Variants in FAM107B observed in about 807,000 individuals in gnomAD.
The protein encoded by FAM107B is family with sequence similarity 107 member B, also known as protein FAM107B.
FAM107B carries 21 observed loss-of-function variants against 31.5 expected under a neutral mutation model. The observed-to-expected ratio is 0.67, with a 90% CI of 0.47 to 0.96. FAM107B has a LOEUF of 0.96. Among genes scored for constraint, FAM107B ranks in the 40% least tolerant of loss-of-function variants. FAM107B has a pLI of 0.00. For missense variants in FAM107B, 452 were observed against 377.1 expected (o/e 1.20, Z -1.64); for synonymous variants, 157 against 141.5 (o/e 1.11, Z -0.78).
At chr10:14,595,120 C>T (rs1852144007) in intron 2 of FAM107B, among the ~76,000 whole-genome samples, 1 of 151,740 alleles carries the variant, frequency 6.6e-6, no homozygotes, top group African/African-American at 2.4e-5. Context: ...GGGGAACTGA[C>T]TGCAAAGTCT....
intron 2 of FAM107B, among the ~76,000 whole-genome samples, chr10:14,661,298 C>T (rs1462900833): frequency 1.3e-5 from 2 of 152,132 alleles, no homozygotes. Flanking sequence ...CTAAGGGGTG[C>T]CCAGATTAAA....
intron 2 of FAM107B, among the ~76,000 whole-genome samples, chr10:14,546,645 C>G (rs1848722932): frequency 6.6e-6 from 1 of 152,196 alleles, no homozygotes; most frequent in South Asian, 2.1e-4. Flanking sequence ...CCAGTGACTG[C>G]TCAGACACGG....
At chr10:14,651,481 T>C (rs1227321141) in intron 2 of FAM107B, among the ~76,000 whole-genome samples, 1 of 152,132 alleles carries the variant, frequency 6.6e-6, no homozygotes, top group African/African-American at 2.4e-5. Context: ...GGTGCATGCC[T>C]GTAATCCCAG....
chr10:14,763,984 G>A (rs1478804238), intron 1 of FAM107B, among the ~76,000 whole-genome samples: 1 of 152,202 alleles, frequency 6.6e-6, no homozygotes, highest in Admixed American at 6.5e-5. Context: ...TCACAGTCAG[G>A]AGCGTGGTCA....
chr10:14,698,449 T>G (rs926261208), intron 1 of FAM107B, among the ~76,000 whole-genome samples: 15 of 152,256 alleles, frequency 9.9e-5, no homozygotes, highest in African/African-American at 3.4e-4. Flanking sequence ...ATTTGCAAAC[T>G]TTTAAACTTA....
intron 1 of FAM107B, among the ~76,000 whole-genome samples, chr10:14,669,374 A>AAAG (rs1478564698): frequency 3.3e-5 from 5 of 151,592 alleles, no homozygotes; most frequent in African/African-American, 9.7e-5. Context: ...TGTCAAAAAA[A>AAAG]AAAAAAAAAA....
intron 2 of FAM107B, among the ~76,000 whole-genome samples, chr10:14,645,567 G>A (rs1464653146): frequency 6.6e-6 from 1 of 152,182 alleles, no homozygotes; most frequent in Non-Finnish European, 1.5e-5. Context: ...GGACCCTGGA[G>A]AGACTCCTCA....
At chr10:14,524,730 G>C (rs1846045426) in intron 3 of FAM107B, among the ~76,000 whole-genome samples, 2 of 151,794 alleles carry the variant, frequency 1.3e-5, no homozygotes, top group South Asian at 4.2e-4. Context: ...TTAAATTTTA[G>C]GATTAAGAAT....
At chr10:14,570,785 G>C (rs978964383) in intron 2 of FAM107B, among the ~76,000 whole-genome samples, 1 of 140,498 alleles carries the variant, frequency 7.1e-6, no homozygotes, top group African/African-American at 2.6e-5. Context: ...CTGGATGACA[G>C]AGTGAGACTC....
intron 2 of FAM107B, among the ~76,000 whole-genome samples, chr10:14,559,099 CAAAAA>C (rs745765049): frequency 6.8e-5 from 6 of 88,200 alleles, no homozygotes; most frequent in African/African-American, 1.4e-4. Flanking sequence ...TGTGGAACTT[CAAAAA>C]AAAAAAAAAA....
At chr10:14,552,736 C>G (rs575125428) in intron 2 of FAM107B, among the ~76,000 whole-genome samples, 5 of 151,800 alleles carry the variant, frequency 3.3e-5, no homozygotes, top group African/African-American at 1.2e-4. Flanking sequence ...GGCTGAGGCC[C>G]GAGAAAAGCT....
intron 2 of FAM107B, among the ~76,000 whole-genome samples, chr10:14,613,622 T>C (rs1852780315): frequency 6.6e-6 from 1 of 152,172 alleles, no homozygotes; most frequent in Admixed American, 6.5e-5. Context: ...ATCTACATTT[T>C]TCTCTCCATC....
chr10:14,767,043 TATATATATATATAGAGAGAGAG>T (rs1205720884), intron 1 of FAM107B, among the ~76,000 whole-genome samples: 6 of 37,938 alleles, frequency 1.6e-4, no homozygotes, highest in African/African-American at 3.0e-4. Context: ...TATATATATA[TATATATATATATAGAGAGAGAG>T]AGAGAGAGAG....
At chr10:14,604,446 A>G (rs190804708) in intron 2 of FAM107B, 1 of 158,362 alleles carries the variant, frequency 6.3e-6, no homozygotes, top group Non-Finnish European at 1.3e-5. Flanking sequence ...CGGGGCGGGG[A>G]GGGGCGGGGC....
In FAM107B at chr10:14,588,632, G is replaced by A. The variant is rs73601339; in HGVS notation, c.470-58117C>T. Among the ~76,000 whole-genome samples the A allele has an allele frequency of 4.9e-3, 750 of 152,260 alleles. 9 individuals carry two copies. The highest frequency in any genetic ancestry group is 0.017 in the African/African-American group (693 of 41,554). On this transcript the variant is annotated intron_variant, in intron 2 of 4. Coordinates refer to ENST00000181796, the MANE Select transcript of FAM107B (RefSeq NM_031453.4). ...AACCAACCGTCCTGAGAAACAGGAG[G>A]CTGACACTCAGAAAATCAACATCAA...
intron 1 of FAM107B, chr10:14,723,517 C>A: frequency 3.3e-6 from 2 of 615,334 alleles, no homozygotes; most frequent in South Asian, 1.6e-5. Context: ...CAAAACTTCC[C>A]AGGCCAGCAT....
intron 2 of FAM107B, among the ~76,000 whole-genome samples, chr10:14,650,247 T>G (rs866440288): frequency 1.3e-5 from 2 of 152,148 alleles, no homozygotes; most frequent in African/African-American, 4.8e-5. Context: ...ATAAGCTCAT[T>G]ACAGAAAATT....
At chr10:14,556,485 C>T (rs897217750) in intron 2 of FAM107B, 17 of 904,972 alleles carry the variant, frequency 1.9e-5, no homozygotes, top group South Asian at 1.0e-4. Context: ...TGTCAAGCCC[C>T]GACCTAACGA....
intron 2 of FAM107B, among the ~76,000 whole-genome samples, chr10:14,590,664 T>C (rs1233355276): frequency 3.9e-5 from 6 of 152,010 alleles, no homozygotes; most frequent in Admixed American, 3.9e-4. Context: ...CTCTTAACAA[T>C]GAAGTTGAGA....
Sources: gnomAD v4.1 joint callset for allele counts (sites outside exome capture counted in the v4.1 genomes callset) on GRCh38, gnomAD v4.1.1 for gene constraint, MANE v1.5 for transcripts, NCBI Gene and HGNC (gene_info 2026-07-23, HGNC 2026-07-21) for gene names.